VAV2: variants seen among roughly 807,000 people sequenced by gnomAD.
VAV2 encodes guanine nucleotide exchange factor VAV2.
A neutral mutation model predicts 132.5 loss-of-function variants in VAV2; 67 were observed. That is an observed-to-expected ratio of 0.51 (90% CI 0.42 to 0.62). The LOEUF (loss-of-function observed/expected upper bound fraction) is 0.62, where lower values mean the gene tolerates loss of function less well. Ranked by LOEUF, VAV2 falls within the 20% of genes least tolerant of loss-of-function variation. VAV2 has a pLI of 0.00. For missense variants in VAV2, 938 were observed against 1,153.6 expected, an observed-to-expected ratio of 0.81 and a Z score of 2.71; for synonymous variants, 492 against 443.5, an observed-to-expected ratio of 1.11 and a Z score of -1.37.
In VAV2 at chr9:133,795,689, T is replaced by C; in HGVS notation, c.1080A>G (p.Lys360=). Residue 360 remains lysine, a synonymous_variant, in exon 12 of 30, where the codon AAA becomes AAG. Transcript: ENST00000371850. The stretch of plus-strand genomic sequence containing the variant: ...ACACCTGCATGGCTTCCAGTGCTTC[T>C]TTGAGCTGCTGCCTCTCAGGCCGTT... ...SAERPERQQL[K]EALEAMQDLA... 1 of 1,614,178 alleles carries C rather than the reference T, an allele frequency of 6.2e-7. No homozygotes were observed. The highest frequency in any genetic ancestry group is 8.5e-7 in the Non-Finnish European group (1 of 1,180,006).
chr9:133,932,725 C>T (rs1588389751), intron 2 of VAV2, among the ~76,000 whole-genome samples: 1 of 14,042 alleles, frequency 7.1e-5, no homozygotes, highest in African/African-American at 8.2e-5. Flanking sequence ...TTTGCTCTCA[C>T]CCGCCTGCCT....
rs1304230237 is a variant in VAV2 at position 133,964,004 on chromosome 9, T to A, written c.205-24785A>T. 3.1e-5 allele frequency among the ~76,000 whole-genome samples: 4 copies of A among 130,858 alleles called. No homozygotes were observed. In the South Asian group the frequency reaches 7.5e-4, roughly 25 times the overall value. The allele number at this position is 130,858 out of a possible 152,430, so 85.8% of individuals were successfully genotyped here. A position where few individuals can be genotyped will look rare whatever the true frequency, so the allele number is the denominator to read the frequency against. On this transcript the variant is annotated intron_variant, in intron 1 of 29. Coordinates refer to ENST00000371850, the MANE Select transcript of VAV2 (RefSeq NM_001134398.2). ...AGGTGATAAGAAGACTAGTAAACTT[T>A]AAAAAAAATTATTCATTCATATATA...
At chr9:133,878,631 C>T (rs1395578184) in intron 2 of VAV2, among the ~76,000 whole-genome samples, 1 of 152,224 alleles carries the variant, frequency 6.6e-6, no homozygotes, top group Non-Finnish European at 1.5e-5. Flanking sequence ...CAGGACAGAG[C>T]TTAACCTTTG....
At chr9:133,800,644 G>A (rs1363805333) in intron 9 of VAV2, among the ~76,000 whole-genome samples, 1 of 152,220 alleles carries the variant, frequency 6.6e-6, no homozygotes, top group Non-Finnish European at 1.5e-5. Context: ...AAGCCCAGCG[G>A]ATAACATGCC....
rs80104609 is a variant in VAV2 at position 133,961,952 on chromosome 9, C to G, written c.205-22733G>C. On this transcript the variant is annotated intron_variant, in intron 1 of 29. Transcript: ENST00000371850. The surrounding 1 kb of genome is among the most constrained non-coding windows in gnomAD (Gnocchi z 4.1). ...GGCCCCTGCCAGAACCCAGCATCAT[C>G]CCCCATGCCGGGTGCTGGGGACCCT... Among the ~76,000 whole-genome samples the G allele has an allele frequency of 0.03, 4,556 of 152,258 alleles. 146 individuals carry two copies. Among genetic ancestry groups the G allele is most frequent in the Admixed American group, 0.074 (1,129 of 15,298 alleles).
At chr9:133,811,732 T>C (rs774217357) in intron 5 of VAV2, among the ~76,000 whole-genome samples, 2 of 152,188 alleles carry the variant, frequency 1.3e-5, no homozygotes, top group Non-Finnish European at 2.9e-5. Context: ...TGTTAGACCA[T>C]GCGCCAAGTT....
intron 9 of VAV2, among the ~76,000 whole-genome samples, chr9:133,805,449 G>A (rs1014975263): frequency 1.3e-5 from 2 of 152,194 alleles, no homozygotes; most frequent in South Asian, 2.1e-4. Context: ...GGCTGGAAAC[G>A]CCATCTCCCC....
chr9:133,888,221 G>A (rs929247990), intron 2 of VAV2, among the ~76,000 whole-genome samples: 6 of 152,236 alleles, frequency 3.9e-5, no homozygotes, highest in Non-Finnish European at 8.8e-5. Flanking sequence ...TGGGGTGAGC[G>A]CTGAATGGGG....
chr9:133,967,034 CAA>C (rs71380266), intron 1 of VAV2, among the ~76,000 whole-genome samples: 12 of 106,158 alleles, frequency 1.1e-4, no homozygotes, highest in African/African-American at 1.8e-4. Flanking sequence ...GACTTTGTCT[CAA>C]AAAAAAAAAA....
intron 2 of VAV2, among the ~76,000 whole-genome samples, chr9:133,922,003 G>A (rs1185880721): frequency 2.6e-5 from 4 of 152,254 alleles, no homozygotes; most frequent in Non-Finnish European, 5.9e-5. Flanking sequence ...AATGGCGCAC[G>A]CACAGGTGTG....
At chr9:133,816,685 A>T (rs1835571603) in intron 4 of VAV2, among the ~76,000 whole-genome samples, 1 of 152,190 alleles carries the variant, frequency 6.6e-6, no homozygotes, top group Admixed American at 6.6e-5. Flanking sequence ...ATAAGTTATG[A>T]TCGTGCCACT....
chr9:133,987,980 G>A (rs191435005), intron 1 of VAV2, among the ~76,000 whole-genome samples: 21 of 152,322 alleles, frequency 1.4e-4, no homozygotes, highest in African/African-American at 4.1e-4. Context: ...ATAAATGCAC[G>A]TTGCTATGAT....
intron 2 of VAV2, among the ~76,000 whole-genome samples, chr9:133,888,926 C>CGT (rs1809261756): frequency 6.6e-6 from 1 of 152,186 alleles, no homozygotes; most frequent in African/African-American, 2.4e-5. Context: ...GCGGACAGCC[C>CGT]GTCATTCGCA....
intron 1 of VAV2, among the ~76,000 whole-genome samples, chr9:133,957,543 G>A (rs937811516): frequency 1.3e-5 from 2 of 152,254 alleles, no homozygotes. Context: ...CCCGGCTGCA[G>A]GGCAGGGCGA....
Position 133,883,348 on chromosome 9 carries a change from G to A in VAV2, c.322-21916C>T, listed in dbSNP as rs747021332. ...CATCCGTTGAGACAGCCTCCCTGCC[G>A]GGGTGTGCCAAGTGAGTGTGGGGCT... is the stretch of plus-strand genomic sequence containing the variant. On this transcript the variant is annotated intron_variant, in intron 2 of 29. Coordinates refer to ENST00000371850, the MANE Select transcript of VAV2 (RefSeq NM_001134398.2). The surrounding 1 kb of genome is among the most constrained non-coding windows in gnomAD (Gnocchi z 4.2). 2.0e-5 allele frequency among the ~76,000 whole-genome samples: 3 copies of A among 152,240 alleles called. No individual in the cohort carries two copies. Among genetic ancestry groups the A allele is most frequent in the Non-Finnish European group, 2.9e-5 (2 of 68,044 alleles).
At chr9:133,979,255 TAAAATACCC>T (rs2132284348) in intron 1 of VAV2, among the ~76,000 whole-genome samples, 1 of 152,276 alleles carries the variant, frequency 6.6e-6, no homozygotes, top group South Asian at 2.1e-4. Context: ...GAGGGGCTCC[TAAAATACCC>T]CCTTTGACAG....
At chr9:133,956,110 TCA>T (rs905933482) in intron 1 of VAV2, among the ~76,000 whole-genome samples, 2 of 152,014 alleles carry the variant, frequency 1.3e-5, no homozygotes, top group African/African-American at 2.4e-5. Flanking sequence ...TCCTGGAGCC[TCA>T]GTTTCCCCAA....
intron 3 of VAV2, among the ~76,000 whole-genome samples, chr9:133,855,306 C>T (rs564957780): frequency 2.6e-5 from 4 of 152,348 alleles, no homozygotes; most frequent in Admixed American, 6.5e-5. Flanking sequence ...GGCCCATTCA[C>T]GGAGCCTCCG....
chr9:133,938,773 C>T (rs1039662712), intron 2 of VAV2, among the ~76,000 whole-genome samples: 2 of 152,158 alleles, frequency 1.3e-5, no homozygotes, highest in Admixed American at 6.5e-5. Flanking sequence ...GAGGTAAATG[C>T]TCAGCATCCC....
Sources: allele counts gnomAD v4.1 joint callset (sites outside exome capture counted in the v4.1 genomes callset), GRCh38; gene constraint gnomAD v4.1.1; non-coding constraint Gnocchi (gnomAD v3.1); transcripts MANE v1.5; gene names NCBI Gene and HGNC (gene_info 2026-07-23, HGNC 2026-07-21).